C1orf21: variants seen among roughly 807,000 people sequenced by gnomAD.
The protein encoded by C1orf21 is chromosome 1 open reading frame 21.
A neutral mutation model predicts 18.7 loss-of-function variants in C1orf21; 3 were observed. That is an observed-to-expected ratio of 0.16 (90% CI 0.07 to 0.42). The LOEUF (loss-of-function observed/expected upper bound fraction) is 0.42. C1orf21 is among the 10% of genes least tolerant of loss of function. The probability of loss-of-function intolerance (pLI) is 0.99; values close to 1 mark genes in which losing one functional copy is unlikely to be tolerated. For synonymous variants in C1orf21, 41 were observed against 46.4 expected (o/e 0.88, Z 0.47); for missense variants, 104 against 143.6 (o/e 0.72, Z 1.41).
At chr1:184,499,617 T>C (rs1382372465) in intron 2 of C1orf21, among the ~76,000 whole-genome samples, 1 of 152,106 alleles carries the variant, frequency 6.6e-6, no homozygotes. Flanking sequence ...CTTTCTGATA[T>C]ACTTTATTCC....
At chr1:184,529,125 C>A (rs1399343928) in intron 3 of C1orf21, among the ~76,000 whole-genome samples, 1 of 151,892 alleles carries the variant, frequency 6.6e-6, no homozygotes, top group African/African-American at 2.4e-5. Flanking sequence ...AAAAATGATA[C>A]CTCAAGGCCA....
intron 3 of C1orf21, among the ~76,000 whole-genome samples, chr1:184,530,051 G>A (rs1325595220): frequency 6.6e-6 from 1 of 152,100 alleles, no homozygotes; most frequent in Non-Finnish European, 1.5e-5. Flanking sequence ...ATGAACTGAT[G>A]TCTCTAAAAT....
At chr1:184,457,520 C>T (rs970656163) in intron 1 of C1orf21, among the ~76,000 whole-genome samples, 8 of 152,132 alleles carry the variant, frequency 5.3e-5, no homozygotes, top group African/African-American at 1.9e-4. Flanking sequence ...CAGAATAAGT[C>T]TACCGCAGGC....
At chr1:184,563,938 C>T (rs1230575830) in intron 3 of C1orf21, among the ~76,000 whole-genome samples, 2 of 152,198 alleles carry the variant, frequency 1.3e-5, no homozygotes, top group Non-Finnish European at 1.5e-5. Flanking sequence ...GACCTAGTTT[C>T]CTCCTCTATA....
chr1:184,494,950 C>T (rs1029748537), intron 2 of C1orf21, among the ~76,000 whole-genome samples: 1 of 151,886 alleles, frequency 6.6e-6, no homozygotes, highest in Non-Finnish European at 1.5e-5. Flanking sequence ...CAGGGCTCAG[C>T]TGTACCCAGG....
chr1:184,534,497 C>T (rs1658517372), intron 3 of C1orf21, among the ~76,000 whole-genome samples: 1 of 152,140 alleles, frequency 6.6e-6, no homozygotes. Context: ...TTCTTTCTAT[C>T]TCAGCATAAT....
intron 3 of C1orf21, among the ~76,000 whole-genome samples, chr1:184,534,798 C>T (rs1658522698): frequency 6.6e-6 from 1 of 151,956 alleles, no homozygotes; most frequent in East Asian, 1.9e-4. Flanking sequence ...GTAGGAAAGT[C>T]TAGGAAATGG....
At chr1:184,401,216 A>G (rs1659476677) in intron 1 of C1orf21, among the ~76,000 whole-genome samples, 1 of 150,486 alleles carries the variant, frequency 6.6e-6, no homozygotes, top group South Asian at 2.1e-4. Flanking sequence ...ATTTTATTTT[A>G]TTTTACTTAT....
intron 2 of C1orf21, among the ~76,000 whole-genome samples, chr1:184,495,215 C>A (rs1352024212): frequency 6.6e-6 from 1 of 152,162 alleles, no homozygotes. Flanking sequence ...CTCTTGCCTT[C>A]CCCCCGCAAC....
At chr1:184,460,328 T>C (rs1657282354) in intron 1 of C1orf21, among the ~76,000 whole-genome samples, 1 of 152,192 alleles carries the variant, frequency 6.6e-6, no homozygotes, top group South Asian at 2.1e-4. Flanking sequence ...CCTGTATGAA[T>C]GTTTACATCA....
intron 3 of C1orf21, among the ~76,000 whole-genome samples, chr1:184,582,145 T>C (rs76533844): frequency 3.7e-4 from 56 of 152,294 alleles, no homozygotes; most frequent in Middle Eastern, 6.8e-3. Flanking sequence ...AAGATAAAAT[T>C]CCTTTGTATT....
intron 3 of C1orf21, among the ~76,000 whole-genome samples, chr1:184,522,098 G>A (rs1368335589): frequency 1.3e-5 from 2 of 152,140 alleles, no homozygotes; most frequent in Non-Finnish European, 2.9e-5. Flanking sequence ...ACAGGGGATG[G>A]CTAGAATGAT....
intron 3 of C1orf21, among the ~76,000 whole-genome samples, chr1:184,510,372 G>C (rs1376948713): frequency 6.6e-6 from 1 of 152,212 alleles, no homozygotes; most frequent in East Asian, 1.9e-4. Context: ...CAGGGTGCTT[G>C]TATTGCAGTG....
intron 3 of C1orf21, among the ~76,000 whole-genome samples, chr1:184,509,301 C>A (rs181850835): frequency 6.6e-6 from 1 of 152,218 alleles, no homozygotes; most frequent in African/African-American, 2.4e-5. Context: ...TTGGTGTATT[C>A]TTTTTCAGCA....
intron 1 of C1orf21, among the ~76,000 whole-genome samples, chr1:184,432,650 C>G (rs1053927535): frequency 6.6e-6 from 1 of 151,082 alleles, no homozygotes; most frequent in African/African-American, 2.4e-5. Context: ...ACATGTATCT[C>G]AGCACTTAAA....
intron 1 of C1orf21, among the ~76,000 whole-genome samples, chr1:184,425,047 T>C (rs564550871): frequency 6.6e-6 from 1 of 152,314 alleles, no homozygotes; most frequent in East Asian, 1.9e-4. Flanking sequence ...TGTCACACCA[T>C]TGGCTTTGCC....
chr1:184,585,661 C>G (rs6658289), intron 3 of C1orf21, among the ~76,000 whole-genome samples: 4,880 of 152,246 alleles, frequency 0.032, 264 homozygotes, highest in African/African-American at 0.11. Flanking sequence ...TGATGTTCCC[C>G]TCTATGTGTC....
intron 3 of C1orf21, among the ~76,000 whole-genome samples, chr1:184,573,537 G>A (rs920775970): frequency 5.3e-5 from 8 of 152,138 alleles, no homozygotes; most frequent in Non-Finnish European, 1.0e-4. Context: ...CTCCAAAAAC[G>A]GTTTGTATAT....
chr1:184,389,472 C>T (rs569733442), intron 1 of C1orf21, among the ~76,000 whole-genome samples: 128 of 152,312 alleles, frequency 8.4e-4, no homozygotes, highest in Admixed American at 2.0e-3. Context: ...CCCTCCTCCG[C>T]CCCATCTCAC....
Sources: gnomAD v4.1 joint callset for allele counts (sites outside exome capture counted in the v4.1 genomes callset) on GRCh38, gnomAD v4.1.1 for gene constraint, MANE v1.5 for transcripts, NCBI Gene and HGNC (gene_info 2026-07-23, HGNC 2026-07-21) for gene names.